Variants in ATP13A3 observed in about 807,000 individuals in gnomAD.
ATP13A3 encodes the protein ATPase 13A3, also known as polyamine-transporting ATPase 13A3.
Under a neutral mutation model 158.1 loss-of-function variants are expected in ATP13A3, and 59 were observed. The observed-to-expected ratio is 0.37, with a 90% CI of 0.30 to 0.46. The LOEUF (loss-of-function observed/expected upper bound fraction) is 0.46, where lower values mean the gene tolerates loss of function less well. Among genes scored for constraint, ATP13A3 ranks in the 20% least tolerant of loss-of-function variants. The pLI is 1.00. For synonymous variants in ATP13A3, 491 were observed against 504.3 expected (o/e 0.97, Z 0.35); for missense variants, 1,166 against 1,525.2 (o/e 0.76, Z 3.92).
intron 30 of ATP13A3, among the ~76,000 whole-genome samples, chr3:194,423,235 G>A (rs375973381): frequency 6.6e-6 from 1 of 151,728 alleles, no homozygotes; most frequent in African/African-American, 2.4e-5. Context: ...CTGAAGTTAA[G>A]TTTAATTTAG....
At chr3:194,417,994 AGGG>A (rs1716006955) in intron 31 of ATP13A3, among the ~76,000 whole-genome samples, 1 of 53,846 alleles carries the variant, frequency 1.9e-5, no homozygotes, top group African/African-American at 6.6e-5. Flanking sequence ...GAAGGGAGGG[AGGG>A]AGGGAGGGAG....
chr3:194,489,983 C>T (rs1462985251), upstream of ATP13A3, among the ~76,000 whole-genome samples: 1 of 152,072 alleles, frequency 6.6e-6, no homozygotes, highest in African/African-American at 2.4e-5. The surrounding 1 kb of genome is among the most constrained non-coding windows in gnomAD (Gnocchi z 4.1). Context: ...CCCACTGCTT[C>T]CCCCCTCTGA....
chr3:194,483,408 G>A (rs981113254), intron 2 of ATP13A3, among the ~76,000 whole-genome samples: 1 of 130,090 alleles, frequency 7.7e-6, no homozygotes, highest in Admixed American at 7.7e-5. Context: ...TGGGCAACAC[G>A]GTGAAAACCC....
rs143601009 is a variant in ATP13A3, at chr3:194,434,656, C to A, written c.2121-760G>T. Among the ~76,000 whole-genome samples, 285 of 152,286 alleles carry A rather than the reference C, an allele frequency of 1.9e-3. 1 individual carries two copies. Among genetic ancestry groups the A allele is most frequent in the African/African-American group, 6.6e-3 (273 of 41,566 alleles). On this transcript the variant is annotated intron_variant, in intron 20 of 33. Transcript: ENST00000645319. ...CTCAGGTCAGGCATTGTAGCTCATG[C>A]CTGTAATCCCACCACTTTGGGAGGC... is the stretch of plus-strand genomic sequence containing the variant.
chr3:194,430,015 C>A, intron 26 of ATP13A3, 57 bp downstream of exon 26: 1 of 1,417,362 alleles, frequency 7.1e-7, no homozygotes, highest in South Asian at 1.3e-5. Context: ...ATAATTTTCT[C>A]TTCTGTATTA....
intron 30 of ATP13A3, 172 bp from the exon 31 acceptor site, chr3:194,420,139 C>T: frequency 8.6e-6 from 5 of 582,858 alleles, no homozygotes; most frequent in South Asian, 3.9e-5. Context: ...AGACATTGTT[C>T]GGGGCACCCA....
intron 28 of ATP13A3, among the ~76,000 whole-genome samples, chr3:194,428,466 T>G (rs1716979504): frequency 6.6e-6 from 1 of 152,146 alleles, no homozygotes; most frequent in South Asian, 2.1e-4. Flanking sequence ...TAAAGGACAT[T>G]GTTGACACAA....
chr3:194,431,999 G>A lies in ATP13A3; in HGVS notation c.2246-107C>T, dbSNP rs3821400. On this transcript the variant is annotated intron_variant, in intron 21 of 33. Transcript: ENST00000645319. ...TACAGTCTCCATGACTGGGCTGGCA[G>A]AGTAACGATAATGTATGGTTCTTCC... 60,898 of 898,316 alleles carry A rather than the reference G, an allele frequency of 0.068. 4,508 individuals carry two copies. The highest frequency in any genetic ancestry group is 0.32 in the African/African-American group (18,567 of 57,132). 55.6% of individuals were successfully genotyped at this position (898,316 alleles called of 1,614,324 possible). A position where few individuals can be genotyped will look rare whatever the true frequency, so the allele number is the denominator to read the frequency against.
At chr3:194,414,587 T>C (rs1715681667) in intron 31 of ATP13A3, among the ~76,000 whole-genome samples, 1 of 152,150 alleles carries the variant, frequency 6.6e-6, no homozygotes, top group Non-Finnish European at 1.5e-5. Flanking sequence ...AAAATCTGAT[T>C]AATTTCTAAG....
chr3:194,479,208 T>TTAG (rs1424117192), intron 2 of ATP13A3, among the ~76,000 whole-genome samples: 1 of 152,182 alleles, frequency 6.6e-6, no homozygotes, highest in Non-Finnish European at 1.5e-5. Context: ...AAAATTATTC[T>TTAG]TCAACTAACT....
intron 10 of ATP13A3, chr3:194,450,948 GA>G (rs1471028889): frequency 6.6e-6 from 1 of 152,222 alleles, no homozygotes; most frequent in East Asian, 1.9e-4. Context: ...AAATGAAAAT[GA>G]AAAGATCTTC....
At chr3:194,414,981 GA>G (rs1715717330) in intron 31 of ATP13A3, among the ~76,000 whole-genome samples, 1 of 152,176 alleles carries the variant, frequency 6.6e-6, no homozygotes, top group South Asian at 2.1e-4. Context: ...GACTCTAGGG[GA>G]TATCACCAGA....
intron 14 of ATP13A3, 102 bp from the exon 15 acceptor site, chr3:194,444,888 C>T: frequency 1.2e-6 from 1 of 824,592 alleles, no homozygotes. Flanking sequence ...AGAAACTATG[C>T]TACATATAAC....
chr3:194,459,286 G>T (rs141501022), intron 6 of ATP13A3, 185 bp downstream of exon 6: 1 of 567,650 alleles, frequency 1.8e-6, no homozygotes, highest in African/African-American at 1.9e-5. Flanking sequence ...TGCAAGCTGC[G>T]GTGGGACTTA....
At chr3:194,414,864 T>G (rs1715706542) in intron 31 of ATP13A3, among the ~76,000 whole-genome samples, 1 of 152,176 alleles carries the variant, frequency 6.6e-6, no homozygotes, top group Non-Finnish European at 1.5e-5. Flanking sequence ...CAAGTAACAG[T>G]CAATATATCA....
At chr3:194,432,196 G>A (rs1317823962) in intron 21 of ATP13A3, among the ~76,000 whole-genome samples, 1 of 152,182 alleles carries the variant, frequency 6.6e-6, no homozygotes, top group Non-Finnish European at 1.5e-5. Context: ...ACCTGGCACG[G>A]TGCTACACAC....
intron 20 of ATP13A3, among the ~76,000 whole-genome samples, chr3:194,434,263 C>T (rs183074883): frequency 6.6e-6 from 1 of 152,328 alleles, no homozygotes; most frequent in Non-Finnish European, 1.5e-5. Context: ...ACATTCAATA[C>T]AGTTTTCGTG....
intron 21 of ATP13A3, among the ~76,000 whole-genome samples, chr3:194,433,529 C>T (rs1717397996): frequency 6.6e-6 from 1 of 152,132 alleles, no homozygotes; most frequent in African/African-American, 2.4e-5. Context: ...AGGCGTGAGC[C>T]ACCGCGCCCG....
Position 194,412,569 on chromosome 3 carries a change from T to C in ATP13A3, c.3484-281A>G, listed in dbSNP as rs564077969. 4.3e-5 allele frequency: 16 copies of C among 371,970 alleles called. No individual in the cohort carries two copies. The East Asian group carries it at 6.6e-4, about 15-fold the overall frequency. 23.0% of individuals were successfully genotyped at this position (371,970 alleles called of 1,614,324 possible). On this transcript the variant is annotated intron_variant, in intron 32 of 33. Coordinates refer to ENST00000645319, the MANE Select transcript of ATP13A3 (RefSeq NM_001367549.1). ...CTTTCCCATATTAAAATGATGCTTA[T>C]GTAATTTGAAGTCTTTCTTCACAAT...
Sources: allele counts gnomAD v4.1 joint callset (sites outside exome capture counted in the v4.1 genomes callset), GRCh38; gene constraint gnomAD v4.1.1; non-coding constraint Gnocchi (gnomAD v3.1); transcripts MANE v1.5; gene names NCBI Gene and HGNC (gene_info 2026-07-23, HGNC 2026-07-21).